NARS1: variants seen among roughly 807,000 people sequenced by gnomAD.
NARS1 encodes the protein asparagine--tRNA ligase, cytoplasmic.
A neutral mutation model predicts 79.2 loss-of-function variants in NARS1; 65 were observed. The observed-to-expected ratio is 0.82, with a 90% CI of 0.67 to 1.01. The LOEUF (loss-of-function observed/expected upper bound fraction) is 1.01. Ranked by LOEUF, NARS1 falls within the 50% of genes least tolerant of loss-of-function variation. The probability of loss-of-function intolerance (pLI) is 0.00; values close to 1 mark genes in which losing one functional copy is unlikely to be tolerated. For synonymous variants in NARS1, 229 were observed against 238.8 expected, an observed-to-expected ratio of 0.96 and a Z score of 0.38; for missense variants, 649 against 673.8, an observed-to-expected ratio of 0.96 and a Z score of 0.41.
At chr18:57,606,963 A>G in intron 9 of NARS1, 171 bp downstream of exon 9, 2 of 918,374 alleles carry the variant, frequency 2.2e-6, no homozygotes, top group Non-Finnish European at 1.6e-6. Context: ...AAGTGAAAAA[A>G]GAGAACTTAG....
intron 4 of NARS1, among the ~76,000 whole-genome samples, chr18:57,614,046 G>A (rs1375228228): frequency 1.3e-5 from 2 of 152,148 alleles, no homozygotes; most frequent in East Asian, 1.9e-4. Context: ...TGACCCCACA[G>A]TTCTTCAATA....
rs1450643540 is a variant in NARS1 at position 57,607,277 on chromosome 18, C to T, written c.858G>A (p.Lys286=). The T allele has an allele frequency of 1.2e-6, 2 of 1,614,056 alleles. No homozygotes were observed. Among genetic ancestry groups the T allele is most frequent in the African/African-American group, 2.7e-5 (2 of 74,922 alleles). Residue 286 remains lysine, a synonymous_variant, in exon 9 of 14, where the codon AAG becomes AAA. Transcript: ENST00000256854. ...ATGCCTCTTCCCCAAAATAGTCAAG[C>T]TTGAAGAGTGTGGCACCACCTTCTA... The part of the protein sequence containing the change: ...TQVEGGATLF[K]LDYFGEEAFL...
intron 7 of NARS1, among the ~76,000 whole-genome samples, chr18:57,608,119 G>A (rs2051575726): frequency 6.6e-6 from 1 of 151,802 alleles, no homozygotes; most frequent in Middle Eastern, 3.2e-3. Context: ...GCCCGCCTCG[G>A]CCTCCCAAAG....
intron 2 of NARS1, among the ~76,000 whole-genome samples, chr18:57,620,215 A>G (rs987756615): frequency 1.3e-5 from 2 of 152,196 alleles, no homozygotes; most frequent in African/African-American, 4.8e-5. Context: ...ATTCACCAAA[A>G]GCCCTCTCAG....
chr18:57,609,223 A>G (rs879135340), intron 7 of NARS1, 134 bp downstream of exon 7: 5 of 632,434 alleles, frequency 7.9e-6, no homozygotes, highest in South Asian at 2.4e-5. Flanking sequence ...TCCCTTTCAC[A>G]TATACATCTA....
chr18:57,609,533 G>A, intron 6 of NARS1, 90 bp from the exon 7 acceptor site: 2 of 986,014 alleles, frequency 2.0e-6, no homozygotes, highest in Non-Finnish European at 3.1e-6. Flanking sequence ...TTACAAACAA[G>A]TTATCTGATC....
Position 57,611,713 on chromosome 18 carries a change from A to T in NARS1, c.422-6T>A, listed in dbSNP as rs745515411. 10 of 1,549,766 alleles carry T rather than the reference A, an allele frequency of 6.5e-6. No homozygotes were observed. The South Asian group carries it at 1.2e-4, about 19-fold the overall frequency. Reference sequence around the variant, plus strand: ...CAGAAACATTAAATTCTTTCCTAAAAAATGAGAAATAATAATTTAGGCAGA... The same window carrying T: ...CAGAAACATTAAATTCTTTCCTAAATAATGAGAAATAATAATTTAGGCAGA... On this transcript the variant is annotated splice_polypyrimidine_tract_variant and splice_region_variant and intron_variant, in intron 5 of 13. Coordinates refer to ENST00000256854, the MANE Select transcript of NARS1 (RefSeq NM_004539.4).
rs896610693 is a variant in NARS1 at position 57,621,830 on chromosome 18, T to C, written c.-113A>G. 7 of 1,578,134 alleles carry C rather than the reference T, an allele frequency of 4.4e-6. No individual in the cohort carries two copies. The highest frequency in any genetic ancestry group is 4.8e-5 in the East Asian group (2 of 41,958). On this transcript the variant is annotated 5_prime_UTR_variant, in exon 1 of 14. Coordinates refer to ENST00000256854, the MANE Select transcript of NARS1 (RefSeq NM_004539.4). Reference sequence around the variant, plus strand: ...GATTCCGGCGTTGCATCAGAGAGCGTAGATCTGAGGGCGCCTGCGAGAATC... The same window carrying C: ...GATTCCGGCGTTGCATCAGAGAGCGCAGATCTGAGGGCGCCTGCGAGAATC...
intron 6 of NARS1, among the ~76,000 whole-genome samples, chr18:57,610,160 C>G (rs1377275579): frequency 6.6e-6 from 1 of 152,130 alleles, no homozygotes; most frequent in East Asian, 1.9e-4. Context: ...CTGCCAACAC[C>G]TGAACCCACT....
intron 5 of NARS1, 134 bp downstream of exon 5, chr18:57,613,468 G>C (rs2051621737): frequency 2.8e-6 from 2 of 722,712 alleles, no homozygotes; most frequent in East Asian, 2.8e-5. Flanking sequence ...ACTCCAGCCT[G>C]GGCAACAAAG....
intron 2 of NARS1, 78 bp from the exon 3 acceptor site, chr18:57,616,053 G>A: frequency 1.5e-6 from 2 of 1,295,928 alleles, no homozygotes; most frequent in Non-Finnish European, 2.1e-6. Context: ...TCAAGTATAA[G>A]GCAACTGGAA....
intron 4 of NARS1, 115 bp downstream of exon 4, chr18:57,615,526 A>G (rs1377234206): frequency 1.4e-6 from 1 of 690,980 alleles, no homozygotes; most frequent in Non-Finnish European, 2.4e-6. Context: ...AAATAAATAA[A>G]TGGAAAGTAA....
rs1344357543 is a variant in NARS1, at chr18:57,619,088, T to C, written c.93+1481A>G. Among the ~76,000 whole-genome samples, 5 of 152,202 alleles carry C rather than the reference T, an allele frequency of 3.3e-5. 1 individual carries two copies. Among genetic ancestry groups the C allele is most frequent in the Admixed American group, 3.3e-4 (5 of 15,282 alleles). On this transcript the variant is annotated intron_variant, in intron 2 of 13. Transcript: ENST00000256854. ...CACAGAAAAAGGAGTGTCAAGGCAC[T>C]GCTTTTCCTAATACAGTTCAAAGAA...
At chr18:57,608,189 T>C (rs2122433069) in intron 7 of NARS1, among the ~76,000 whole-genome samples, 1 of 152,134 alleles carries the variant, frequency 6.6e-6, no homozygotes, top group East Asian at 1.9e-4. Flanking sequence ...TTTTAAAAGA[T>C]ATTTGTGTCT....
Position 57,607,320 on chromosome 18 carries a change from G to A in NARS1, c.815C>T (p.Thr272Ile), listed in dbSNP as rs1443438598. The A allele has an allele frequency of 3.1e-6, 5 of 1,613,952 alleles. No homozygotes were observed. The African/African-American group carries it at 5.3e-5, about 17-fold the overall frequency. ...DRGYYEVTPP[T>I]LVQTQVEGGA... ...ACCTTCTACTTGTGTTTGCACTAAT[G>A]TTGGAGGAGTAACCTGTTCAAATGC... Residue 272 changes from threonine to isoleucine, a missense_variant, in exon 9 of 14, where the codon ACA becomes ATA. Physicochemically the swap from Thr to Ile is moderately conservative, Grantham distance 89. Transcript: ENST00000256854.
Position 57,605,859 on chromosome 18 carries a change from C to G in NARS1, c.1249G>C (p.Glu417Gln). Residue 417 changes from glutamate (E) to glutamine (Q), a missense_variant and splice_region_variant, in exon 11 of 14, where the codon GAA becomes CAA. Coordinates refer to ENST00000256854, the MANE Select transcript of NARS1 (RefSeq NM_004539.4). ...CAATGAGAGAAAGGGATACATACTTCTCCAAATTCATAGAAAGTTCCATCT... is the reference window on the plus strand; with the variant it reads ...CAATGAGAGAAAGGGATACATACTTGTCCAAATTCATAGAAAGTTCCATCT... Reference protein sequence around the residue: ...KEDGTFYEFGEDIPEAPERLM... With the variant: ...KEDGTFYEFGQDIPEAPERLM... 1 of 1,589,848 alleles carries G rather than the reference C, an allele frequency of 6.3e-7. No homozygotes were observed.
At chr18:57,611,464 T>C (rs1246025307) in intron 6 of NARS1, among the ~76,000 whole-genome samples, 173 bp downstream of exon 6, 2 of 152,158 alleles carry the variant, frequency 1.3e-5, no homozygotes, top group African/African-American at 4.8e-5. Flanking sequence ...TCTAGCCTTA[T>C]TAAGGTATAA....
At position 57,607,507 on chromosome 18, in the gene NARS1, T is replaced by C. The variant is rs2051569001; in HGVS notation, c.738A>G (p.Leu246=). Residue 246 remains leucine (L), a synonymous_variant, in exon 8 of 14, where the codon CTA becomes CTG. Coordinates refer to ENST00000256854, the MANE Select transcript of NARS1 (RefSeq NM_004539.4). ...MIRGENMSKI[L]KARSMVTRCF... is the part of the protein sequence containing the mutation. ...ACCTGGTGACCATGGATCGTGCTTT[T>C]AGGATTTTGGACATGTTTTCTCCTC... is the stretch of plus-strand genomic sequence containing the variant. 1.2e-6 allele frequency: 2 copies of C among 1,614,070 alleles called. No homozygotes were observed. The highest frequency in any genetic ancestry group is 1.7e-6 in the Non-Finnish European group (2 of 1,180,032).
At chr18:57,606,502 T>C in intron 10 of NARS1, 114 bp downstream of exon 10, 1 of 984,176 alleles carries the variant, frequency 1.0e-6, no homozygotes, top group Non-Finnish European at 1.5e-6. Flanking sequence ...TCAAAATAAT[T>C]AGTCACTTAT....
Sources: allele counts gnomAD v4.1 joint callset (sites outside exome capture counted in the v4.1 genomes callset), GRCh38; gene constraint gnomAD v4.1.1; transcripts MANE v1.5; gene names NCBI Gene and HGNC (gene_info 2026-07-23, HGNC 2026-07-21).